The following CTNNA2 variants were observed in gnomAD, a reference collection of about 807,000 sequenced individuals.
CTNNA2 encodes catenin alpha 2, also known as catenin alpha-2.
In CTNNA2, 42 loss-of-function variants were observed where a neutral mutation model predicts 101.0. That is an observed-to-expected ratio of 0.42 (90% CI 0.32 to 0.54). CTNNA2 has a LOEUF of 0.54. Ranked by LOEUF, CTNNA2 falls within the 20% of genes least tolerant of loss-of-function variation. The pLI, the probability that CTNNA2 is intolerant of heterozygous loss-of-function variation, is 0.14. For synonymous variants in CTNNA2, 450 were observed against 456.4 expected, an observed-to-expected ratio of 0.99 and a Z score of 0.18; for missense variants, 871 against 1,223.1, an observed-to-expected ratio of 0.71 and a Z score of 4.29.
intron 4 of CTNNA2, among the ~76,000 whole-genome samples, chr2:79,485,147 T>A (rs1671145143): frequency 6.6e-6 from 1 of 152,176 alleles, no homozygotes; most frequent in African/African-American, 2.4e-5. Context: ...TAGAATAATA[T>A]GCTTCTTTTT....
At chr2:79,217,654 T>C (rs1674283849) in intron 2 of CTNNA2, among the ~76,000 whole-genome samples, 1 of 152,210 alleles carries the variant, frequency 6.6e-6, no homozygotes, top group African/African-American at 2.4e-5. Context: ...TCTGGATGTG[T>C]ACGTGCAGGT....
chr2:79,409,774 GT>G (rs1393912651), intron 4 of CTNNA2, among the ~76,000 whole-genome samples: 1 of 146,868 alleles, frequency 6.8e-6, no homozygotes, highest in Non-Finnish European at 1.5e-5. Flanking sequence ...GATTGACTTG[GT>G]GATGCGGGCT....
rs115934227 is a variant in CTNNA2, at chr2:79,889,856, C to G, written c.852+15514C>G. ...GATATTATAATGTCATTTGCTCTCC[C>G]TTGCCTATAGCCAAACCCTAATGCA... On this transcript the variant is annotated intron_variant, in intron 6 of 18. Coordinates refer to ENST00000402739, the MANE Select transcript of CTNNA2 (RefSeq NM_001282597.3). Among the ~76,000 whole-genome samples the G allele has an allele frequency of 2.7e-3, 406 of 152,286 alleles. 3 individuals are homozygous for G. The highest frequency in any genetic ancestry group is 9.1e-3 in the African/African-American group (379 of 41,564).
intron 7 of CTNNA2, among the ~76,000 whole-genome samples, chr2:80,043,086 TCTTTCTTTCTC>T (rs1696232443): frequency 5.6e-5 from 1 of 17,742 alleles, no homozygotes; most frequent in Non-Finnish European, 1.0e-4. Flanking sequence ...TTTCTTTCTT[TCTTTCTTTCTC>T]TCTCTCTCTC....
chr2:79,747,843 A>G (rs1322768046), intron 3 of CTNNA2, among the ~76,000 whole-genome samples: 1 of 152,200 alleles, frequency 6.6e-6, no homozygotes, highest in Non-Finnish European at 1.5e-5. Flanking sequence ...TATATCAGAA[A>G]TGTTGTCTAC....
At chr2:80,127,021 A>G (rs1038837927) in intron 7 of CTNNA2, among the ~76,000 whole-genome samples, 1 of 152,154 alleles carries the variant, frequency 6.6e-6, no homozygotes, top group African/African-American at 2.4e-5. Context: ...ATGATTCATC[A>G]GTGTTGTTTT....
chr2:79,336,045 G>A (rs1676987187), intron 3 of CTNNA2, among the ~76,000 whole-genome samples: 1 of 152,200 alleles, frequency 6.6e-6, no homozygotes, highest in Admixed American at 6.5e-5. Flanking sequence ...GAAGACAGCA[G>A]CATCTGAAAG....
chr2:79,768,297 A>G (rs1396747277), intron 3 of CTNNA2, among the ~76,000 whole-genome samples: 5 of 151,284 alleles, frequency 3.3e-5, no homozygotes. Flanking sequence ...CTGTGCCTGA[A>G]GAGAAAAGTC....
Position 79,633,261 on chromosome 2 carries a change from C to G in CTNNA2, c.-5-18291C>G, listed in dbSNP as rs553511937. On this transcript the variant is annotated intron_variant, in intron 1 of 18. Transcript: ENST00000402739. ...CTGTTATTCTCAGTTGTTATTATCT[C>G]CCCTCATAGTCACAGATAGATGCAA... is the stretch of plus-strand genomic sequence containing the variant. Among the ~76,000 whole-genome samples the G allele has an allele frequency of 8.5e-5, 13 of 152,250 alleles. No individual in the cohort carries two copies. The East Asian group carries it at 2.5e-3, about 29-fold the overall frequency.
At chr2:79,287,154 C>A (rs1254681937) in intron 2 of CTNNA2, among the ~76,000 whole-genome samples, 1 of 152,242 alleles carries the variant, frequency 6.6e-6, no homozygotes, top group South Asian at 2.1e-4. Context: ...GTTATACATT[C>A]TTCTAAATTT....
chr2:79,568,477 C>A (rs2104188139), intron 1 of CTNNA2, among the ~76,000 whole-genome samples: 1 of 151,856 alleles, frequency 6.6e-6, no homozygotes, highest in Admixed American at 6.6e-5. Flanking sequence ...GTGGCACGTG[C>A]CTGTAGTCCC....
At chr2:80,126,233 G>A (rs1389059563) in intron 7 of CTNNA2, among the ~76,000 whole-genome samples, 2 of 152,118 alleles carry the variant, frequency 1.3e-5, no homozygotes, top group Admixed American at 1.3e-4. Context: ...CATGGTGTCT[G>A]GTTAATAGTG....
Position 79,988,126 on chromosome 2 carries a change from G to A in CTNNA2, c.1056+78329G>A, listed in dbSNP as rs541006356. 5.0e-4 allele frequency among the ~76,000 whole-genome samples: 76 copies of A among 152,296 alleles called. 1 individual carries two copies. In the South Asian group the frequency reaches 0.015, roughly 30 times the overall value. On this transcript the variant is annotated intron_variant, in intron 7 of 18. Coordinates refer to ENST00000402739, the MANE Select transcript of CTNNA2 (RefSeq NM_001282597.3). ...ATTGGGTTATGGACAGGACACAATG[G>A]GAATTTCATTTTGTGGAGGTTAAGT... is the stretch of plus-strand genomic sequence containing the variant.
intron 7 of CTNNA2, among the ~76,000 whole-genome samples, chr2:80,316,911 G>T (rs1678182271): frequency 6.6e-6 from 1 of 152,128 alleles, no homozygotes; most frequent in Admixed American, 6.6e-5. Flanking sequence ...TACTGATAAA[G>T]GGAAAATTAA....
chr2:79,208,762 T>A (rs1362915093), intron 2 of CTNNA2, among the ~76,000 whole-genome samples: 2 of 152,214 alleles, frequency 1.3e-5, no homozygotes, highest in Non-Finnish European at 2.9e-5. Context: ...GCTGGCATAA[T>A]TTGCTATTGA....
intron 5 of CTNNA2, 122 bp from the exon 6 acceptor site, chr2:79,873,954 G>C: frequency 6.9e-7 from 1 of 1,443,906 alleles, no homozygotes; most frequent in South Asian, 1.4e-5. Flanking sequence ...CTGGCAGCTA[G>C]AAACAGCACA....
At chr2:79,995,999 C>G (rs1407292217) in intron 7 of CTNNA2, among the ~76,000 whole-genome samples, 2 of 152,100 alleles carry the variant, frequency 1.3e-5, no homozygotes, top group African/African-American at 4.8e-5. Context: ...CAAGATTTCT[C>G]TTTTGCAGGC....
At chr2:79,662,176 T>A (rs17783764) in intron 2 of CTNNA2, among the ~76,000 whole-genome samples, 87,246 of 151,580 alleles carry the variant, frequency 0.58, 25,349 homozygotes, top group East Asian at 0.74. Context: ...TGCACACAAT[T>A]CCTAAACAAA....
chr2:80,410,869 A>G (rs551659044), intron 8 of CTNNA2, among the ~76,000 whole-genome samples: 1 of 152,178 alleles, frequency 6.6e-6, no homozygotes, highest in African/African-American at 2.4e-5. Context: ...GCCTGTGTTT[A>G]TAGACTATGG....
Sources: gnomAD v4.1 joint callset for allele counts (sites outside exome capture counted in the v4.1 genomes callset) on GRCh38, gnomAD v4.1.1 for gene constraint, MANE v1.5 for transcripts, NCBI Gene and HGNC (gene_info 2026-07-23, HGNC 2026-07-21) for gene names.